Variants in SNTG1 observed in about 807,000 individuals in gnomAD.
SNTG1 encodes gamma-1-syntrophin.
In SNTG1, 39 loss-of-function variants were observed where a neutral mutation model predicts 74.7. The observed-to-expected ratio is 0.52, with a 90% CI of 0.40 to 0.68. The LOEUF is 0.68. Ranked by LOEUF, SNTG1 falls within the 30% of genes least tolerant of loss-of-function variation. The pLI, the probability that SNTG1 is intolerant of heterozygous loss-of-function variation, is 0.00. For synonymous variants in SNTG1, 254 were observed against 217.1 expected, an observed-to-expected ratio of 1.17 and a Z score of -1.49; for missense variants, 685 against 609.5, an observed-to-expected ratio of 1.12 and a Z score of -1.30.
In SNTG1 at chr8:50,735,958, G is replaced by A. The variant is rs534470136; in HGVS notation, c.1285-16043G>A. Among the ~76,000 whole-genome samples, 301 of 152,104 alleles carry A rather than the reference G, an allele frequency of 2.0e-3. 3 individuals are homozygous for A. The highest frequency in any genetic ancestry group is 7.1e-3 in the African/African-American group (294 of 41,512). On this transcript the variant is annotated intron_variant, in intron 17 of 18. Transcript: ENST00000642720. ...CCCTACAAGCTAGAAGAGATTGGGG[G>A]CCAATATTTAACATTCTTAAAGAAA... is the stretch of plus-strand genomic sequence containing the variant.
At chr8:50,792,184 C>T (rs2095692851) in intron 18 of SNTG1, among the ~76,000 whole-genome samples, 1 of 151,430 alleles carries the variant, frequency 6.6e-6, no homozygotes, top group Non-Finnish European at 1.5e-5. Flanking sequence ...TTTGGCTCCT[C>T]TGGTTATAAG....
intron 1 of SNTG1, among the ~76,000 whole-genome samples, chr8:50,106,134 A>G (rs574703006): frequency 6.6e-6 from 1 of 152,246 alleles, no homozygotes; most frequent in African/African-American, 2.4e-5. Flanking sequence ...AAAGAATTTA[A>G]TTGACTAACA....
chr8:50,176,084 A>G (rs2131680857), intron 2 of SNTG1, among the ~76,000 whole-genome samples: 1 of 152,252 alleles, frequency 6.6e-6, no homozygotes. Flanking sequence ...CTGAAACAAG[A>G]GTATTATAAT....
intron 1 of SNTG1, among the ~76,000 whole-genome samples, chr8:50,009,724 G>A (rs1815585409): frequency 1.3e-5 from 2 of 152,194 alleles, no homozygotes; most frequent in Admixed American, 6.5e-5. Context: ...AAGGCTGCCT[G>A]TGGTGGCTCA....
chr8:50,254,157 G>A (rs2086772419), intron 2 of SNTG1, among the ~76,000 whole-genome samples: 1 of 152,052 alleles, frequency 6.6e-6, no homozygotes, highest in African/African-American at 2.4e-5. Flanking sequence ...TACATTGTAT[G>A]CCATAAATAT....
chr8:50,792,747 A>G lies in SNTG1; in HGVS notation c.1472A>G (p.Asp491Gly), dbSNP rs774087314. The G allele has an allele frequency of 6.2e-7, 1 of 1,612,242 alleles. No homozygotes were observed. The highest frequency in any genetic ancestry group is 1.7e-5 in the Admixed American group (1 of 59,766). ...SFFAAKVACL[D>G]PLFLGNQATA... Reference sequence around the variant, plus strand: ...TTTGCTGCCAAGGTAGCTTGTTTGGACCCTCTATTTTTAGGCAATCAAGCT... The same window carrying G: ...TTTGCTGCCAAGGTAGCTTGTTTGGGCCCTCTATTTTTAGGCAATCAAGCT... The change falls in exon 19 of 19, where the codon GAC (aspartate) becomes GGC (glycine). Residue 491 changes from aspartate to glycine, a missense_variant. Transcript: ENST00000642720.
At chr8:50,623,752 CAAATA>C (rs1245981456) in intron 13 of SNTG1, among the ~76,000 whole-genome samples, 1 of 151,792 alleles carries the variant, frequency 6.6e-6, no homozygotes, top group Non-Finnish European at 1.5e-5. Flanking sequence ...AAAATACATA[CAAATA>C]AAATAAAGTG....
intron 2 of SNTG1, among the ~76,000 whole-genome samples, chr8:50,233,137 T>C (rs1312947255): frequency 6.6e-6 from 1 of 151,598 alleles, no homozygotes; most frequent in Non-Finnish European, 1.5e-5. Context: ...TAAAGCAGGA[T>C]GGATCATTAT....
chr8:50,748,667 C>G (rs567604161), intron 17 of SNTG1, among the ~76,000 whole-genome samples: 1 of 151,980 alleles, frequency 6.6e-6, no homozygotes, highest in East Asian at 1.9e-4. Flanking sequence ...CTTTGTATCT[C>G]TGTGTCACAT....
At chr8:50,664,469 C>T (rs1029982349) in intron 15 of SNTG1, among the ~76,000 whole-genome samples, 23 of 152,246 alleles carry the variant, frequency 1.5e-4, no homozygotes, top group South Asian at 8.3e-4. Flanking sequence ...AATTAATTCA[C>T]TAAGACACTT....
At chr8:50,066,123 G>C (rs949487860) in intron 1 of SNTG1, among the ~76,000 whole-genome samples, 1 of 152,140 alleles carries the variant, frequency 6.6e-6, no homozygotes, top group Admixed American at 6.5e-5. Context: ...GCTGAGGCAG[G>C]AGAATCGCTT....
intron 2 of SNTG1, among the ~76,000 whole-genome samples, chr8:50,365,608 G>C (rs935495034): frequency 1.4e-4 from 21 of 151,928 alleles, no homozygotes; most frequent in African/African-American, 5.1e-4. Context: ...AAATGTTTTT[G>C]TTTTAATTAT....
intron 12 of SNTG1, among the ~76,000 whole-genome samples, chr8:50,553,886 A>G (rs1193251356): frequency 6.6e-6 from 1 of 152,168 alleles, no homozygotes; most frequent in Non-Finnish European, 1.5e-5. Context: ...TAATTATTTT[A>G]GAAAAAGTAC....
chr8:50,403,567 A>C (rs1018249378), intron 4 of SNTG1, among the ~76,000 whole-genome samples: 19 of 152,346 alleles, frequency 1.2e-4, no homozygotes, highest in African/African-American at 4.3e-4. Flanking sequence ...AAAATTTACT[A>C]CTTTGATACT....
chr8:50,372,502 T>A (rs1171967020), intron 2 of SNTG1, among the ~76,000 whole-genome samples: 1 of 152,166 alleles, frequency 6.6e-6, no homozygotes, highest in African/African-American at 2.4e-5. Context: ...ATACTTTGCA[T>A]CTTTCTTTAT....
intron 17 of SNTG1, among the ~76,000 whole-genome samples, chr8:50,736,920 GA>G (rs1333256601): frequency 4.6e-5 from 7 of 152,096 alleles, no homozygotes; most frequent in African/African-American, 1.4e-4. Flanking sequence ...GCAGTGTTTA[GA>G]GGGAAATTTA....
At chr8:50,283,938 G>T (rs1375280946) in intron 2 of SNTG1, among the ~76,000 whole-genome samples, 1 of 152,072 alleles carries the variant, frequency 6.6e-6, no homozygotes, top group Non-Finnish European at 1.5e-5. Context: ...TATGAATATG[G>T]TGCACTTGTT....
At chr8:50,786,571 A>C (rs6473378) in intron 18 of SNTG1, among the ~76,000 whole-genome samples, 13,929 of 151,782 alleles carry the variant, frequency 0.092, 1,862 homozygotes, top group African/African-American at 0.3. Flanking sequence ...GTTGGAGAGA[A>C]CCCCCAGTTC....
At chr8:50,628,431 G>A (rs1218920106) in intron 13 of SNTG1, among the ~76,000 whole-genome samples, 2 of 152,060 alleles carry the variant, frequency 1.3e-5, no homozygotes, top group South Asian at 2.1e-4. Flanking sequence ...CCTGTTAATT[G>A]TTCTGATCTT....
Sources: allele counts gnomAD v4.1 joint callset (sites outside exome capture counted in the v4.1 genomes callset), GRCh38; gene constraint gnomAD v4.1.1; transcripts MANE v1.5; gene names NCBI Gene and HGNC (gene_info 2026-07-23, HGNC 2026-07-21).